Variants in OLFM3 observed in about 807,000 individuals in gnomAD.
OLFM3 encodes the protein noelin-3.
A neutral mutation model predicts 48.6 loss-of-function variants in OLFM3; 20 were observed. The ratio of observed to expected loss-of-function variants is 0.41; its 90% CI spans 0.29 to 0.60. The LOEUF (loss-of-function observed/expected upper bound fraction) is 0.60. OLFM3 is among the 20% of genes least tolerant of loss of function. OLFM3 has a pLI of 0.28. For missense variants in OLFM3, 437 were observed against 544.3 expected, an observed-to-expected ratio of 0.80 and a Z score of 1.96; for synonymous variants, 222 against 198.1, an observed-to-expected ratio of 1.12 and a Z score of -1.01.
chr1:101,983,882 G>A (rs1040164303), intron 1 of OLFM3, among the ~76,000 whole-genome samples: 7 of 152,166 alleles, frequency 4.6e-5, no homozygotes, highest in African/African-American at 1.7e-4. Flanking sequence ...TGGAAGACTT[G>A]CCATTGCCTT....
At chr1:101,885,760 T>C (rs1027414803) in intron 1 of OLFM3, among the ~76,000 whole-genome samples, 3 of 152,144 alleles carry the variant, frequency 2.0e-5, no homozygotes, top group African/African-American at 7.2e-5. Flanking sequence ...AACCACAAAA[T>C]GTGTGTCAAT....
chr1:101,845,164 CTTCTTATTATTTTCTTA>C (rs1427603585), intron 1 of OLFM3, among the ~76,000 whole-genome samples: 4 of 151,720 alleles, frequency 2.6e-5, no homozygotes, highest in African/African-American at 4.8e-5. Context: ...TTATTTTCTT[CTTCTTATTATTTTCTTA>C]TTATTATTAT....
chr1:101,805,928 G>T, intron 5 of OLFM3, 148 bp downstream of exon 5: 1 of 551,730 alleles, frequency 1.8e-6, no homozygotes. Flanking sequence ...TCGTAGATAT[G>T]TTAATATTAT....
At chr1:101,938,375 G>A (rs1332622461) in intron 1 of OLFM3, among the ~76,000 whole-genome samples, 1 of 152,096 alleles carries the variant, frequency 6.6e-6, no homozygotes, top group Non-Finnish European at 1.5e-5. Flanking sequence ...TGAATCTTTG[G>A]GGGATACTCC....
rs200620928 is a variant in OLFM3 at position 101,843,666 on chromosome 1, A to G, written c.70-6641T>C. On this transcript the variant is annotated intron_variant, in intron 1 of 5. Transcript: ENST00000370103. ...ATAAAAACATCCTGGAAATTTTAAAACCCCTTTCAGCTTTTGAGATAATCA... is the reference window on the plus strand; with the variant it reads ...ATAAAAACATCCTGGAAATTTTAAAGCCCCTTTCAGCTTTTGAGATAATCA... Among the ~76,000 whole-genome samples, 4 of 151,964 alleles carry G rather than the reference A, an allele frequency of 2.6e-5. No homozygotes were observed. In the East Asian group the frequency reaches 5.8e-4, roughly 22 times the overall value.
intron 1 of OLFM3, among the ~76,000 whole-genome samples, chr1:101,952,069 G>T (rs1330957367): frequency 6.6e-6 from 1 of 151,870 alleles, no homozygotes; most frequent in Non-Finnish European, 1.5e-5. Flanking sequence ...TTTCTCACTG[G>T]TACTTTTGAT....
chr1:101,974,249 T>C (rs531523699), intron 1 of OLFM3, among the ~76,000 whole-genome samples: 87 of 152,212 alleles, frequency 5.7e-4, no homozygotes, highest in Non-Finnish European at 9.0e-4. Context: ...ACTAGCACTT[T>C]ACACATTCGT....
At chr1:101,815,290 C>CA (rs774926864) in intron 4 of OLFM3, among the ~76,000 whole-genome samples, 51 of 151,004 alleles carry the variant, frequency 3.4e-4, no homozygotes, top group South Asian at 6.3e-4. Context: ...ATTAAAAATA[C>CA]AAAAAAAATA....
chr1:101,987,459 T>C (rs1661276688), intron 1 of OLFM3, among the ~76,000 whole-genome samples: 1 of 152,120 alleles, frequency 6.6e-6, no homozygotes, highest in Non-Finnish European at 1.5e-5. Context: ...AATATTTCAG[T>C]TTGTTTTTAC....
At chr1:101,911,369 G>T (rs1330063304) in intron 1 of OLFM3, among the ~76,000 whole-genome samples, 2 of 152,142 alleles carry the variant, frequency 1.3e-5, no homozygotes, top group African/African-American at 4.8e-5. Context: ...ACTCTGAGTT[G>T]AGGCCCCATT....
chr1:101,843,169 T>C (rs1411215023), intron 1 of OLFM3, among the ~76,000 whole-genome samples: 1 of 152,188 alleles, frequency 6.6e-6, no homozygotes, highest in Non-Finnish European at 1.5e-5. Flanking sequence ...ATTGACTAAC[T>C]CATCAAAGTA....
chr1:101,910,374 G>A (rs1464425931), intron 1 of OLFM3, among the ~76,000 whole-genome samples: 3 of 151,730 alleles, frequency 2.0e-5, no homozygotes, highest in African/African-American at 4.8e-5. Flanking sequence ...GCTGAGGCCA[G>A]AGAATGGCGT....
chr1:101,912,946 C>T (rs1221421943), intron 1 of OLFM3, among the ~76,000 whole-genome samples: 1 of 152,112 alleles, frequency 6.6e-6, no homozygotes, highest in African/African-American at 2.4e-5. Flanking sequence ...GGTAAAGGAG[C>T]TACAAAGTCA....
chr1:101,960,174 G>C (rs1660426561), intron 1 of OLFM3, among the ~76,000 whole-genome samples: 1 of 152,160 alleles, frequency 6.6e-6, no homozygotes. Context: ...TTGGTACCTA[G>C]AGAGATTACT....
At chr1:101,829,198 T>C (rs192196116) in intron 3 of OLFM3, among the ~76,000 whole-genome samples, 2 of 152,282 alleles carry the variant, frequency 1.3e-5, no homozygotes, top group African/African-American at 4.8e-5. Flanking sequence ...TTGCTCTTCA[T>C]CCTCATATTC....
At chr1:101,928,423 T>C (rs1312258754) in intron 1 of OLFM3, among the ~76,000 whole-genome samples, 2 of 152,172 alleles carry the variant, frequency 1.3e-5, no homozygotes, top group African/African-American at 4.8e-5. Context: ...AAATAGATCC[T>C]GACTCCTTCT....
At chr1:101,881,796 A>G (rs1460961010) in intron 1 of OLFM3, among the ~76,000 whole-genome samples, 1 of 150,070 alleles carries the variant, frequency 6.7e-6, no homozygotes. Context: ...TTTTTTTTTT[A>G]CATTTTGGCT....
chr1:101,873,625 ATT>A (rs575372753), intron 1 of OLFM3, among the ~76,000 whole-genome samples: 1 of 149,336 alleles, frequency 6.7e-6, no homozygotes, highest in Non-Finnish European at 1.5e-5. Flanking sequence ...TCTGAGTTTA[ATT>A]TTTTTTTTAT....
At chr1:101,821,389 T>A (rs1481974969) in intron 4 of OLFM3, among the ~76,000 whole-genome samples, 1 of 152,082 alleles carries the variant, frequency 6.6e-6, no homozygotes, top group Admixed American at 6.6e-5. Context: ...CCACACATCT[T>A]CTTTCAAGTA....
Sources: gnomAD v4.1 joint callset for allele counts (sites outside exome capture counted in the v4.1 genomes callset) on GRCh38, gnomAD v4.1.1 for gene constraint, MANE v1.5 for transcripts, NCBI Gene and HGNC (gene_info 2026-07-23, HGNC 2026-07-21) for gene names.